Variants in PRKCE observed in about 807,000 individuals in gnomAD.
PRKCE encodes protein kinase C epsilon type.
Under a neutral mutation model 85.4 loss-of-function variants are expected in PRKCE, and 16 were observed. The observed-to-expected ratio is 0.19, with a 90% confidence interval of 0.13 to 0.28. PRKCE has a LOEUF of 0.28. Ranked by LOEUF, PRKCE falls within the 10% of genes least tolerant of loss-of-function variation. PRKCE has a pLI of 1.00. For synonymous variants in PRKCE, 388 were observed against 371.5 expected, an observed-to-expected ratio of 1.04 and a Z score of -0.51; for missense variants, 573 against 975.2, an observed-to-expected ratio of 0.59 and a Z score of 5.49.
intron 1 of PRKCE, among the ~76,000 whole-genome samples, chr2:45,684,014 A>G (rs1677097868): frequency 6.6e-6 from 1 of 152,204 alleles, no homozygotes; most frequent in Non-Finnish European, 1.5e-5. Flanking sequence ...AACACCATAA[A>G]CAACTTCAGA....
In PRKCE at chr2:45,983,833, A is replaced by G. The variant is rs757728099; in HGVS notation, c.694-718A>G. Among the ~76,000 whole-genome samples, 6 of 152,100 alleles carry G rather than the reference A, an allele frequency of 3.9e-5. 1 individual carries two copies. The highest frequency in any genetic ancestry group is 8.8e-5 in the Non-Finnish European group (6 of 68,022). ...ATCCACAGTTTCCACAACATTGTGC[A>G]GAGTTTACACGCTGCTGCACAGAAT... is the stretch of plus-strand genomic sequence containing the variant. On this transcript the variant is annotated intron_variant, in intron 5 of 14. Transcript: ENST00000306156.
intron 1 of PRKCE, among the ~76,000 whole-genome samples, chr2:45,818,037 A>T (rs1428482745): frequency 1.3e-5 from 2 of 152,196 alleles, no homozygotes; most frequent in African/African-American, 4.8e-5. Context: ...TTAGAGTATG[A>T]CCTGAGACAA....
chr2:46,181,257 G>C (rs1679948728), intron 14 of PRKCE, among the ~76,000 whole-genome samples: 1 of 152,168 alleles, frequency 6.6e-6, no homozygotes, highest in Non-Finnish European at 1.5e-5. Context: ...AGAGATGTTT[G>C]CTTTGGAAAA....
At chr2:46,167,623 TGGGGAGTGCCAA>T (rs1198743592) in intron 14 of PRKCE, among the ~76,000 whole-genome samples, 1 of 152,158 alleles carries the variant, frequency 6.6e-6, no homozygotes, top group African/African-American at 2.4e-5. Context: ...TGGTATGAGC[TGGGGAGTGCCAA>T]GGGGAGGGAG....
intron 2 of PRKCE, among the ~76,000 whole-genome samples, chr2:45,909,903 C>T (rs1051115571): frequency 3.9e-5 from 6 of 152,216 alleles, no homozygotes; most frequent in Non-Finnish European, 7.3e-5. Flanking sequence ...GGCTCTAGTT[C>T]CACATGCTGC....
At chr2:45,711,891 G>A (rs944068932) in intron 1 of PRKCE, among the ~76,000 whole-genome samples, 5 of 152,120 alleles carry the variant, frequency 3.3e-5, no homozygotes, top group Non-Finnish European at 5.9e-5. Flanking sequence ...CCAAAGTGCT[G>A]GGATTACAGG....
At position 45,980,369 on chromosome 2, in the gene PRKCE, G is replaced by A. The variant is rs771228720; in HGVS notation, c.681G>A (p.Glu227=). 2.5e-6 allele frequency: 4 copies of A among 1,599,592 alleles called. No individual in the cohort carries two copies. Among genetic ancestry groups the A allele is most frequent in the East Asian group, 4.5e-5 (2 of 44,876 alleles). Residue 227 remains glutamate, a synonymous_variant, in exon 5 of 15, where the codon GAG becomes GAA. Coordinates refer to ENST00000306156, the MANE Select transcript of PRKCE (RefSeq NM_005400.3). ...ITKCAGLKKQ[E]TPDQVGSQRF... ...AGTGTGCTGGGTTAAAGAAGCAGGA[G>A]ACCCCCGACCAGGTAAGTGTTGGTG...
In PRKCE at chr2:45,979,017, G is replaced by A; in HGVS notation, c.607+7G>A. 6.3e-7 allele frequency: 1 copy of A among 1,598,838 alleles called. No individual in the cohort carries two copies. Reference sequence around the variant, plus strand: ...CAGGGATACCAGTGTCAAGGTAAGAGGCATTTATGAATTAAATCTTCAGAG... The same window carrying A: ...CAGGGATACCAGTGTCAAGGTAAGAAGCATTTATGAATTAAATCTTCAGAG... On this transcript the variant is annotated splice_region_variant and intron_variant, in intron 4 of 14. Transcript: ENST00000306156.
intron 1 of PRKCE, among the ~76,000 whole-genome samples, chr2:45,709,851 C>T (rs993260351): frequency 1.6e-4 from 25 of 152,080 alleles, no homozygotes; most frequent in Non-Finnish European, 7.4e-5. Context: ...ACTCTGTCAC[C>T]CAGGCTGGAG....
chr2:46,007,630 T>C lies in PRKCE; in HGVS notation c.1232T>C (p.Ile411Thr). 1 of 1,599,784 alleles carries C rather than the reference T, an allele frequency of 6.3e-7. No homozygotes were observed. The highest frequency in any genetic ancestry group is 8.5e-7 in the Non-Finnish European group (1 of 1,179,960). The change falls in exon 9 of 15, where the codon ATC becomes ACC. Residue 411 changes from isoleucine (I) to threonine (T), a missense_variant. Physicochemically the swap from Ile to Thr is moderately conservative, Grantham distance 89. Transcript: ENST00000306156. ...KRLGLDEFNF[I>T]KVLGKGSFGK... ...CTGGGCCTGGATGAGTTCAACTTCA[T>C]CAAGGTGTTGGGCAAAGGCAGCTTT...
intron 1 of PRKCE, among the ~76,000 whole-genome samples, chr2:45,779,800 C>G: frequency 6.6e-6 from 1 of 152,166 alleles, no homozygotes; most frequent in African/African-American, 2.4e-5. Context: ...TATGTTTTAA[C>G]TATTATTTTA....
At position 45,744,500 on chromosome 2, in the gene PRKCE, T is replaced by TTTTCTTTCTTTCTTTTC. The variant is rs1553397743; in HGVS notation, c.348+92067_348+92068insTCTTTCTTTCTTTCTTT. On this transcript the variant is annotated intron_variant, in intron 1 of 14. Coordinates refer to ENST00000306156, the MANE Select transcript of PRKCE (RefSeq NM_005400.3). ...TTCTTTCTTTCTTTTTCTTTCTTTCTTTTCTTTCTTTCTTTCTTTCTTTCT... is the reference window on the plus strand; with the variant it reads ...TTCTTTCTTTCTTTTTCTTTCTTTCTTTTCTTTCTTTCTTTTCTTTCTTTCTTTCTTTCTTTCTTTCT... 4.1e-4 allele frequency among the ~76,000 whole-genome samples: 35 copies of TTTTCTTTCTTTCTTTTC among 84,750 alleles called. 2 individuals carry two copies. The highest frequency in any genetic ancestry group is 1.9e-3 in the African/African-American group (34 of 17,466). The allele number at this position is 84,750 out of a possible 152,430, so 55.6% of individuals were successfully genotyped here.
At chr2:45,807,571 G>C (rs960065797) in intron 1 of PRKCE, among the ~76,000 whole-genome samples, 2 of 152,208 alleles carry the variant, frequency 1.3e-5, no homozygotes, top group Non-Finnish European at 2.9e-5. Flanking sequence ...CATTCCTCCA[G>C]ACAAATCATG....
chr2:45,896,012 C>T (rs561866845), intron 2 of PRKCE, among the ~76,000 whole-genome samples: 4 of 152,274 alleles, frequency 2.6e-5, no homozygotes, highest in Admixed American at 2.6e-4. Context: ...GTCCTGGATG[C>T]GCAGGAGTGG....
At chr2:45,815,852 TG>T (rs1247504443) in intron 1 of PRKCE, among the ~76,000 whole-genome samples, 1 of 152,206 alleles carries the variant, frequency 6.6e-6, no homozygotes, top group Non-Finnish European at 1.5e-5. Flanking sequence ...TAGGTGACCT[TG>T]GGTGTCATCC....
intron 1 of PRKCE, among the ~76,000 whole-genome samples, chr2:45,673,767 A>G (rs1379390557): frequency 1.3e-5 from 2 of 152,234 alleles, no homozygotes; most frequent in Non-Finnish European, 2.9e-5. Flanking sequence ...CAAGGCCCCT[A>G]TTAGCCAGAT....
chr2:45,926,706 G>A (rs1462573378), intron 2 of PRKCE, among the ~76,000 whole-genome samples: 1 of 152,232 alleles, frequency 6.6e-6, no homozygotes, highest in Non-Finnish European at 1.5e-5. Context: ...GACATGGACA[G>A]CCGTGGCTAG....
chr2:46,098,039 C>G (rs536897801), intron 11 of PRKCE, among the ~76,000 whole-genome samples: 1 of 152,280 alleles, frequency 6.6e-6, no homozygotes, highest in East Asian at 1.9e-4. Flanking sequence ...TTAGAGCAAA[C>G]AGGAAGTTTG....
chr2:46,003,522 A>G (rs1704890758), intron 7 of PRKCE, among the ~76,000 whole-genome samples: 1 of 152,266 alleles, frequency 6.6e-6, no homozygotes, highest in Non-Finnish European at 1.5e-5. Flanking sequence ...ACTAGGGGCA[A>G]TAAAAGTGCC....
Sources: allele counts gnomAD v4.1 joint callset (sites outside exome capture counted in the v4.1 genomes callset), GRCh38; gene constraint gnomAD v4.1.1; transcripts MANE v1.5; gene names NCBI Gene and HGNC (gene_info 2026-07-23, HGNC 2026-07-21).